The following MAGI2 variants were observed in gnomAD, a reference collection of about 807,000 sequenced individuals.
The protein encoded by MAGI2 is membrane-associated guanylate kinase, WW and PDZ domain-containing protein 2.
MAGI2 carries 35 observed loss-of-function variants against 133.3 expected under a neutral mutation model. That is an observed-to-expected ratio of 0.26 (90% CI 0.20 to 0.35). MAGI2 has a LOEUF of 0.35. MAGI2 is among the 10% of genes least tolerant of loss of function. The pLI is 1.00. For missense variants in MAGI2, 1,636 were observed against 1,863.4 expected, an observed-to-expected ratio of 0.88 and a Z score of 2.25; for synonymous variants, 729 against 710.6, an observed-to-expected ratio of 1.03 and a Z score of -0.41.
intron 1 of MAGI2, among the ~76,000 whole-genome samples, chr7:79,221,538 A>G (rs1291792030): frequency 2.0e-5 from 3 of 151,996 alleles, no homozygotes; most frequent in Non-Finnish European, 4.4e-5. Context: ...TATCATCTTT[A>G]CTGTTTTTTG....
chr7:79,261,252 C>T (rs540359667), intron 1 of MAGI2, among the ~76,000 whole-genome samples: 7 of 152,272 alleles, frequency 4.6e-5, no homozygotes, highest in African/African-American at 1.4e-4. Flanking sequence ...CTTCTTCATT[C>T]GTTGTGGTTC....
chr7:78,382,238 C>T (rs1794990372), intron 6 of MAGI2, among the ~76,000 whole-genome samples: 1 of 151,884 alleles, frequency 6.6e-6, no homozygotes, highest in Non-Finnish European at 1.5e-5. Context: ...ACTAAAGAAA[C>T]TACTTAACTA....
chr7:78,655,937 C>A (rs536291795), intron 2 of MAGI2, among the ~76,000 whole-genome samples: 2 of 142,708 alleles, frequency 1.4e-5, no homozygotes, highest in East Asian at 2.2e-4. Context: ...GCCGAGATCG[C>A]GCCACTGCAC....
At chr7:79,268,023 C>T (rs1834610318) in intron 1 of MAGI2, among the ~76,000 whole-genome samples, 1 of 152,140 alleles carries the variant, frequency 6.6e-6, no homozygotes, top group South Asian at 2.1e-4. Flanking sequence ...AGTTTAATCG[C>T]CCCTGGTCAA....
intron 2 of MAGI2, among the ~76,000 whole-genome samples, chr7:78,863,605 T>G (rs1441702266): frequency 6.6e-6 from 1 of 152,210 alleles, no homozygotes; most frequent in East Asian, 1.9e-4. Context: ...GGGACCAAAT[T>G]TCAACATGAC....
chr7:78,460,117 T>C (rs1229338599), intron 6 of MAGI2, among the ~76,000 whole-genome samples: 1 of 152,246 alleles, frequency 6.6e-6, no homozygotes, highest in Non-Finnish European at 1.5e-5. Context: ...ATAAATGTGA[T>C]ATGGCATCAT....
At chr7:78,192,221 T>G (rs946993899) in intron 12 of MAGI2, among the ~76,000 whole-genome samples, 3 of 152,198 alleles carry the variant, frequency 2.0e-5, no homozygotes, top group Non-Finnish European at 2.9e-5. Context: ...CTGGTTGCAC[T>G]GATTTTTCCC....
chr7:78,950,590 A>G (rs1230795276), intron 2 of MAGI2, among the ~76,000 whole-genome samples: 1 of 151,932 alleles, frequency 6.6e-6, no homozygotes, highest in African/African-American at 2.4e-5. Flanking sequence ...AAATGCCTAT[A>G]TTTTTCAATA....
Position 79,020,537 on chromosome 7 carries a change from C to T in MAGI2, c.302-13331G>A, listed in dbSNP as rs186726442. Among the ~76,000 whole-genome samples the T allele has an allele frequency of 3.0e-3, 449 of 152,062 alleles. 7 individuals are homozygous for T. The highest frequency in any genetic ancestry group is 0.01 in the African/African-American group (418 of 41,500). On this transcript the variant is annotated intron_variant, in intron 1 of 21. Coordinates refer to ENST00000354212, the MANE Select transcript of MAGI2 (RefSeq NM_012301.4). ...ATCCCAGCACTTTGTGAGGCGGAGG[C>T]GGGCTGATCATGAGGTCAGGAGATT... is the stretch of plus-strand genomic sequence containing the variant.
chr7:79,207,914 C>T (rs907391392), intron 1 of MAGI2, among the ~76,000 whole-genome samples: 1 of 151,940 alleles, frequency 6.6e-6, no homozygotes, highest in Non-Finnish European at 1.5e-5. Flanking sequence ...TTTGACAAAG[C>T]AGCCAAGAAC....
At chr7:78,627,019 C>T in intron 3 of MAGI2, 101 bp downstream of exon 3, 1 of 1,268,480 alleles carries the variant, frequency 7.9e-7, no homozygotes, top group Non-Finnish European at 1.0e-6. Flanking sequence ...AGCTCTCAAA[C>T]CCAAAACAGC....
intron 2 of MAGI2, among the ~76,000 whole-genome samples, chr7:78,728,688 C>G (rs1211015189): frequency 8.1e-6 from 1 of 123,920 alleles, no homozygotes; most frequent in African/African-American, 3.2e-5. Flanking sequence ...GCCTCAGCCT[C>G]CCAAGTAGCT....
chr7:78,458,405 A>G (rs573574598), intron 6 of MAGI2, among the ~76,000 whole-genome samples: 1 of 152,202 alleles, frequency 6.6e-6, no homozygotes, highest in South Asian at 2.1e-4. Flanking sequence ...GGGCAGTCAC[A>G]TAGTAAAACT....
chr7:79,273,954 G>A (rs1835055458), intron 1 of MAGI2, among the ~76,000 whole-genome samples: 2 of 151,860 alleles, frequency 1.3e-5, no homozygotes, highest in African/African-American at 4.8e-5. Context: ...TCCCTGATTC[G>A]ACCAATTGAA....
intron 1 of MAGI2, among the ~76,000 whole-genome samples, chr7:79,361,614 C>G (rs1842381104): frequency 6.6e-6 from 1 of 152,174 alleles, no homozygotes; most frequent in South Asian, 2.1e-4. Context: ...AGAGAATACT[C>G]TATCCAACAA....
intron 7 of MAGI2, among the ~76,000 whole-genome samples, chr7:78,349,476 A>G (rs1274481468): frequency 6.6e-6 from 1 of 152,184 alleles, no homozygotes; most frequent in African/African-American, 2.4e-5. Context: ...TATGCATACA[A>G]CCCAGTTCCT....
At position 78,521,691 on chromosome 7, in the gene MAGI2, C is replaced by T. The variant is rs777235127; in HGVS notation, c.539-46G>A. On this transcript the variant is annotated intron_variant, in intron 3 of 21. Transcript: ENST00000354212. ...TTCTTGGAGTTAAATATTTCTTCTACCATGTACATAATTTGTGAAGAATGG... is the reference window on the plus strand; with the variant it reads ...TTCTTGGAGTTAAATATTTCTTCTATCATGTACATAATTTGTGAAGAATGG... 4 of 1,508,374 alleles carry T rather than the reference C, an allele frequency of 2.7e-6. No homozygotes were observed. The East Asian group carries it at 6.8e-5, about 26-fold the overall frequency. The allele number at this position is 1,508,374 out of a possible 1,614,324, so 93.4% of individuals were successfully genotyped here. A position where few individuals can be genotyped will look rare whatever the true frequency, so the allele number is the denominator to read the frequency against.
intron 1 of MAGI2, among the ~76,000 whole-genome samples, chr7:79,254,298 C>A (rs1833532660): frequency 1.1e-5 from 1 of 93,702 alleles, no homozygotes; most frequent in South Asian, 3.2e-4. Flanking sequence ...TTAGAAGTAT[C>A]TTCCCCATTT....
At chr7:79,159,251 A>AT (rs1216526689) in intron 1 of MAGI2, among the ~76,000 whole-genome samples, 2 of 152,022 alleles carry the variant, frequency 1.3e-5, no homozygotes, top group Non-Finnish European at 2.9e-5. Context: ...ATCATAAGGA[A>AT]TTTTTTAAGG....
Sources: allele counts gnomAD v4.1 joint callset (sites outside exome capture counted in the v4.1 genomes callset), GRCh38; gene constraint gnomAD v4.1.1; transcripts MANE v1.5; gene names NCBI Gene and HGNC (gene_info 2026-07-23, HGNC 2026-07-21).